Variants in SGCZ observed in about 807,000 individuals in gnomAD.
The protein encoded by SGCZ is sarcoglycan zeta.
Under a neutral mutation model 41.3 loss-of-function variants are expected in SGCZ, and 40 were observed. The ratio of observed to expected loss-of-function variants is 0.97; its 90% confidence interval spans 0.75 to 1.26. The LOEUF (loss-of-function observed/expected upper bound fraction) is 1.26, where lower values mean the gene tolerates loss of function less well. SGCZ is among the 50% of genes most tolerant of loss of function. SGCZ has a pLI of 0.00. For synonymous variants in SGCZ, 206 were observed against 137.5 expected (o/e 1.50, Z -3.49); for missense variants, 552 against 369.8 (o/e 1.49, Z -4.04).
At chr8:14,990,219 T>C (rs748335949) in intron 1 of SGCZ, among the ~76,000 whole-genome samples, 13 of 152,056 alleles carry the variant, frequency 8.5e-5, no homozygotes, top group Non-Finnish European at 1.3e-4. Flanking sequence ...AAATCAAAAA[T>C]ATAAACCCAA....
intron 1 of SGCZ, among the ~76,000 whole-genome samples, chr8:14,937,045 G>A (rs1355245907): frequency 6.6e-6 from 1 of 151,720 alleles, no homozygotes; most frequent in Non-Finnish European, 1.5e-5. Context: ...AATGATAAGA[G>A]CAGAGATTAA....
chr8:14,823,055 T>TTAAAAAAAAAAAAAAAAAAA (rs1491314386), intron 1 of SGCZ, among the ~76,000 whole-genome samples: 1 of 75,488 alleles, frequency 1.3e-5, no homozygotes, highest in African/African-American at 4.6e-5. Context: ...CCAATCCTCA[T>TTAAAAAAAAAAAAAAAAAAA]AAAAAAAAAA....
chr8:15,158,511 T>C (rs1208031213), intron 1 of SGCZ, among the ~76,000 whole-genome samples: 1 of 152,238 alleles, frequency 6.6e-6, no homozygotes, highest in African/African-American at 2.4e-5. Flanking sequence ...TTAATATTTT[T>C]CATGAGTAGT....
At chr8:14,922,003 A>C (rs1236056960) in intron 1 of SGCZ, among the ~76,000 whole-genome samples, 1 of 152,122 alleles carries the variant, frequency 6.6e-6, no homozygotes, top group Non-Finnish European at 1.5e-5. Flanking sequence ...TATTCAAATC[A>C]CTTTTTATTT....
At chr8:14,369,966 T>C (rs73664328) in intron 2 of SGCZ, among the ~76,000 whole-genome samples, 384 of 152,100 alleles carry the variant, frequency 2.5e-3, no homozygotes, top group African/African-American at 8.8e-3. Flanking sequence ...CCATTTACTG[T>C]TAATATTTAT....
chr8:14,621,695 A>C (rs1806291655), intron 1 of SGCZ, among the ~76,000 whole-genome samples: 2 of 150,262 alleles, frequency 1.3e-5, no homozygotes, highest in South Asian at 4.3e-4. Context: ...ACACTTTTAC[A>C]CCAGCAGATC....
At chr8:14,640,738 G>C (rs1510440) in intron 1 of SGCZ, among the ~76,000 whole-genome samples, 125,673 of 151,234 alleles carry the variant, frequency 0.83, 52,347 homozygotes, top group East Asian at 0.92. Context: ...TAAAAGATAG[G>C]CTGCATCTTC....
At chr8:14,096,551 T>C (rs1165964790) in intron 7 of SGCZ, among the ~76,000 whole-genome samples, 1 of 152,208 alleles carries the variant, frequency 6.6e-6, no homozygotes, top group Non-Finnish European at 1.5e-5. Flanking sequence ...TCAGGGATGT[T>C]GGCCTAAAAT....
chr8:14,208,353 A>T (rs1458689353), intron 4 of SGCZ, among the ~76,000 whole-genome samples: 1 of 152,212 alleles, frequency 6.6e-6, no homozygotes, highest in Non-Finnish European at 1.5e-5. Context: ...ACACCGTAAG[A>T]CATTCACAAG....
intron 1 of SGCZ, among the ~76,000 whole-genome samples, chr8:14,788,589 C>T (rs1028658580): frequency 1.3e-5 from 2 of 152,090 alleles, no homozygotes; most frequent in South Asian, 2.1e-4. Flanking sequence ...ATACCAATCT[C>T]ACATAGTGGT....
At chr8:15,096,302 G>A (rs1013783823) in intron 1 of SGCZ, among the ~76,000 whole-genome samples, 1 of 151,596 alleles carries the variant, frequency 6.6e-6, no homozygotes, top group Non-Finnish European at 1.5e-5. Context: ...TGGCCAGGCT[G>A]GTCTTGAACT....
intron 1 of SGCZ, among the ~76,000 whole-genome samples, chr8:15,203,267 A>G (rs1450367768): frequency 6.6e-6 from 1 of 152,212 alleles, no homozygotes; most frequent in African/African-American, 2.4e-5. Flanking sequence ...ATGTAAATCT[A>G]TATTCTAAAA....
At chr8:15,009,700 A>T (rs781140300) in intron 1 of SGCZ, among the ~76,000 whole-genome samples, 46 of 152,318 alleles carry the variant, frequency 3.0e-4, no homozygotes, top group Non-Finnish European at 5.6e-4. Context: ...CAGGCTCCTG[A>T]AAGTTTATTC....
chr8:14,719,226 GC>G (rs1254705119), intron 1 of SGCZ, among the ~76,000 whole-genome samples: 1 of 148,836 alleles, frequency 6.7e-6, no homozygotes, highest in Non-Finnish European at 1.5e-5. Context: ...GTGTATATGT[GC>G]CACATTTTCT....
At chr8:14,622,692 C>T (rs976444903) in intron 1 of SGCZ, among the ~76,000 whole-genome samples, 33 of 152,102 alleles carry the variant, frequency 2.2e-4, no homozygotes, top group Middle Eastern at 6.3e-3. Flanking sequence ...TTGGGTGACA[C>T]ATTAAGGATG....
At chr8:14,179,229 G>C (rs1429344243) in intron 4 of SGCZ, among the ~76,000 whole-genome samples, 3 of 152,216 alleles carry the variant, frequency 2.0e-5, no homozygotes, top group Admixed American at 6.5e-5. Context: ...ATGGCATCTA[G>C]AGAATGACGG....
intron 3 of SGCZ, among the ~76,000 whole-genome samples, chr8:14,275,627 G>C (rs916322720): frequency 6.6e-6 from 1 of 152,178 alleles, no homozygotes; most frequent in Middle Eastern, 3.2e-3. Flanking sequence ...CTGAGCTAGT[G>C]TTAGCACTGC....
chr8:14,297,435 A>T (rs898800853), intron 3 of SGCZ, among the ~76,000 whole-genome samples: 2 of 151,988 alleles, frequency 1.3e-5, no homozygotes, highest in Admixed American at 6.6e-5. Context: ...AGACATAATT[A>T]AAAAAAGGGA....
At chr8:14,461,886 C>A (rs1025962768) in intron 2 of SGCZ, among the ~76,000 whole-genome samples, 6 of 152,044 alleles carry the variant, frequency 3.9e-5, no homozygotes, top group Non-Finnish European at 1.5e-5. Context: ...ATTGAGACAG[C>A]TGGACATAAC....
Sources: gnomAD v4.1 joint callset for allele counts (sites outside exome capture counted in the v4.1 genomes callset) on GRCh38, gnomAD v4.1.1 for gene constraint, MANE v1.5 for transcripts, NCBI Gene and HGNC (gene_info 2026-07-23, HGNC 2026-07-21) for gene names.